Variants in TANGO6 observed in about 807,000 individuals in gnomAD.
TANGO6 encodes transport and golgi organization 6 homolog, also known as transport and Golgi organization protein 6 homolog.
TANGO6 carries 90 observed loss-of-function variants against 114.2 expected under a neutral mutation model. The ratio of observed to expected loss-of-function variants is 0.79; its 90% CI spans 0.66 to 0.94. The LOEUF (loss-of-function observed/expected upper bound fraction) is 0.94, where lower values mean the gene tolerates loss of function less well. Among genes scored for constraint, TANGO6 ranks in the 40% least tolerant of loss-of-function variants. TANGO6 has a pLI of 0.00. For missense variants in TANGO6, 1,274 were observed against 1,315.3 expected, an observed-to-expected ratio of 0.97 and a Z score of 0.49; for synonymous variants, 477 against 509.8, an observed-to-expected ratio of 0.94 and a Z score of 0.87.
At chr16:68,913,485 T>A (rs998110333) in intron 11 of TANGO6, among the ~76,000 whole-genome samples, 1 of 149,526 alleles carries the variant, frequency 6.7e-6, no homozygotes, top group Admixed American at 6.7e-5. Flanking sequence ...CTCGGCTTAC[T>A]GCAACCTCTG....
At chr16:68,852,793 C>T (rs1456446886) in intron 1 of TANGO6, among the ~76,000 whole-genome samples, 1 of 152,152 alleles carries the variant, frequency 6.6e-6, no homozygotes, top group Non-Finnish European at 1.5e-5. Context: ...GATTGCATCA[C>T]TGCACCCCAG....
intron 14 of TANGO6, among the ~76,000 whole-genome samples, chr16:68,961,620 A>G (rs1186098390): frequency 2.0e-5 from 3 of 152,242 alleles, no homozygotes; most frequent in African/African-American, 4.8e-5. Context: ...GTCAGTAAAT[A>G]TAGATTATTC....
intron 7 of TANGO6, among the ~76,000 whole-genome samples, chr16:68,883,258 T>G (rs1178009595): frequency 6.6e-6 from 1 of 152,148 alleles, no homozygotes; most frequent in African/African-American, 2.4e-5. Context: ...TCCCAGGACT[T>G]TGGGAGGCCA....
chr16:68,940,509 C>A (rs1963341777), intron 14 of TANGO6, among the ~76,000 whole-genome samples: 1 of 152,040 alleles, frequency 6.6e-6, no homozygotes, highest in African/African-American at 2.4e-5. Context: ...TTAGGAAAAG[C>A]TGTTTGCAGC....
intron 14 of TANGO6, among the ~76,000 whole-genome samples, chr16:68,958,555 A>G (rs925792157): frequency 6.6e-6 from 1 of 150,998 alleles, no homozygotes; most frequent in African/African-American, 2.4e-5. Context: ...GGGAGGGAGG[A>G]AGGAAAGAAA....
intron 15 of TANGO6, among the ~76,000 whole-genome samples, chr16:68,980,814 C>T (rs954586781): frequency 3.3e-5 from 5 of 152,138 alleles, no homozygotes; most frequent in South Asian, 2.1e-4. Context: ...TGTCTAACAC[C>T]GTGAAACCCC....
intron 7 of TANGO6, among the ~76,000 whole-genome samples, chr16:68,885,026 G>A (rs1376976952): frequency 3.3e-5 from 5 of 152,220 alleles, no homozygotes; most frequent in Non-Finnish European, 5.9e-5. Context: ...CAGGAAATGT[G>A]TATGTTGGAG....
chr16:69,060,490 G>C (rs908579627), intron 17 of TANGO6, among the ~76,000 whole-genome samples: 1 of 151,832 alleles, frequency 6.6e-6, no homozygotes, highest in Admixed American at 6.6e-5. Context: ...AGCTACTTTG[G>C]AAACTGAGGC....
At chr16:68,983,965 A>G (rs8052235) in intron 15 of TANGO6, among the ~76,000 whole-genome samples, 35,442 of 151,160 alleles carry the variant, frequency 0.23, 5,737 homozygotes, top group African/African-American at 0.46. Flanking sequence ...CCTGGGAGGC[A>G]GAGGTTGCAG....
chr16:69,028,553 A>G (rs1002344051), intron 16 of TANGO6, among the ~76,000 whole-genome samples: 10 of 152,074 alleles, frequency 6.6e-5, no homozygotes, highest in South Asian at 2.1e-4. Context: ...GAATCGCTTG[A>G]ACACGGGAGG....
intron 11 of TANGO6, among the ~76,000 whole-genome samples, chr16:68,917,868 T>G (rs902423282): frequency 6.6e-6 from 1 of 151,718 alleles, no homozygotes; most frequent in African/African-American, 2.4e-5. Context: ...TCCTCCCACC[T>G]CAGTCTCCTG....
chr16:69,083,834 G>A lies in TANGO6; in HGVS notation c.*173G>A, dbSNP rs1960502257. ...TTCAGGGTCCCTTCCGAGGGCATGT[G>A]TTCAGCACTCCCGCGTTCAGCCTGA... On this transcript the variant is annotated 3_prime_UTR_variant, in exon 18 of 18. Coordinates refer to ENST00000261778, the MANE Select transcript of TANGO6 (RefSeq NM_024562.2). 4.8e-6 allele frequency: 3 copies of A among 629,902 alleles called. No homozygotes were observed. The highest frequency in any genetic ancestry group is 8.1e-6 in the Non-Finnish European group (3 of 368,956). The allele number at this position is 629,902 out of a possible 1,614,324, so 39.0% of individuals were successfully genotyped here. A position where few individuals can be genotyped will look rare whatever the true frequency, so the allele number is the denominator to read the frequency against.
chr16:69,022,806 G>T (rs1479152032), intron 15 of TANGO6, 22 bp from the exon 16 acceptor site: 3 of 1,557,364 alleles, frequency 1.9e-6, no homozygotes, highest in Non-Finnish European at 8.7e-7. Flanking sequence ...AAGGGGTTTT[G>T]ATTTCTTCCT....
At chr16:68,848,936 T>G (rs1267342872) in intron 1 of TANGO6, among the ~76,000 whole-genome samples, 1 of 152,070 alleles carries the variant, frequency 6.6e-6, no homozygotes, top group Admixed American at 6.6e-5. Flanking sequence ...GCAGAAGATA[T>G]CCCAGGCTCA....
rs751213496 is a variant in TANGO6, at chr16:69,029,893, AG to A, written c.2994+6916del. Reference sequence around the variant, plus strand: ...GAGGCCAAGGTGGGTGGATCACCTAAGGTCAGGAGTTCGAGACCAGCCTGGC... The same window carrying A: ...GAGGCCAAGGTGGGTGGATCACCTAAGTCAGGAGTTCGAGACCAGCCTGGC... On this transcript the variant is annotated intron_variant, in intron 16 of 17. Transcript: ENST00000261778. 2.6e-3 allele frequency among the ~76,000 whole-genome samples: 401 copies of A among 151,824 alleles called. 5 individuals carry two copies. In the East Asian group the frequency reaches 0.03, roughly 11 times the overall value.
chr16:68,864,530 G>A (rs1327908743), intron 3 of TANGO6, among the ~76,000 whole-genome samples: 1 of 152,156 alleles, frequency 6.6e-6, no homozygotes, highest in Admixed American at 6.5e-5. Context: ...GCAGTGAGCT[G>A]TGATCGGGCC....
At chr16:68,977,360 A>AATTT (rs1167519571) in intron 15 of TANGO6, among the ~76,000 whole-genome samples, 1 of 151,236 alleles carries the variant, frequency 6.6e-6, no homozygotes, top group Non-Finnish European at 1.5e-5. Flanking sequence ...CAGAGAGTGA[A>AATTT]ATTTATTTAT....
At chr16:68,853,090 C>T (rs1961932075) in intron 1 of TANGO6, among the ~76,000 whole-genome samples, 1 of 151,876 alleles carries the variant, frequency 6.6e-6, no homozygotes, top group Non-Finnish European at 1.5e-5. Flanking sequence ...TTTTGTAGTT[C>T]ATTTGTTTTA....
chr16:68,860,048 T>A lies in TANGO6; in HGVS notation c.259T>A (p.Ser87Thr), dbSNP rs1238601090. The A allele has an allele frequency of 6.2e-7, 1 of 1,613,846 alleles. No individual in the cohort carries two copies. Among genetic ancestry groups the A allele is most frequent in the African/African-American group, 1.3e-5 (1 of 74,896 alleles). ...TGATAAGGCAGAATGGCCACAAAAC[T>A]CTGTGGATGTCACTTGGAGTTTTAC... is the stretch of plus-strand genomic sequence containing the variant. ...IADKAEWPQN[S>T]VDVTWSFTSQ... The change falls in exon 2 of 18, where the codon TCT becomes ACT. Residue 87 changes from serine to threonine, a missense_variant. This residue lies in a region of TANGO6 where 114 missense variants were observed against 104.6 expected (regional missense o/e 1.09). Coordinates refer to ENST00000261778, the MANE Select transcript of TANGO6 (RefSeq NM_024562.2).
Sources: allele counts gnomAD v4.1 joint callset (sites outside exome capture counted in the v4.1 genomes callset), GRCh38; gene constraint gnomAD v4.1.1; regional missense constraint gnomAD v4.1.1; transcripts MANE v1.5; gene names NCBI Gene and HGNC (gene_info 2026-07-23, HGNC 2026-07-21).